The following PCDHGB2 variants were observed in gnomAD, a reference collection of about 807,000 sequenced individuals.
The protein encoded by PCDHGB2 is protocadherin gamma-B2.
A neutral mutation model predicts 59.3 loss-of-function variants in PCDHGB2; 55 were observed. The observed-to-expected ratio is 0.93, with a 90% CI of 0.75 to 1.16. PCDHGB2 has a LOEUF of 1.16. PCDHGB2 is among the 50% of genes most tolerant of loss of function. The pLI, the probability that PCDHGB2 is intolerant of heterozygous loss-of-function variation, is 0.00. For missense variants in PCDHGB2, 1,228 were observed against 1,198.5 expected, an observed-to-expected ratio of 1.02 and a Z score of -0.36; for synonymous variants, 516 against 512.0, an observed-to-expected ratio of 1.01 and a Z score of -0.11.
At chr5:141,409,546 C>G in intron 1 of PCDHGB2, 1 of 1,613,998 alleles carries the variant, frequency 6.2e-7, no homozygotes, top group Non-Finnish European at 8.5e-7. Flanking sequence ...TCAACGACAA[C>G]GCCCCAGTTT....
intron 1 of PCDHGB2, chr5:141,392,586 C>A: frequency 2.1e-6 from 1 of 478,230 alleles, no homozygotes; most frequent in Non-Finnish European, 3.7e-6. Flanking sequence ...GTAAGCGCCG[C>A]TGTTCACCTA....
At position 141,489,657 on chromosome 5, in the gene PCDHGB2, G is replaced by T. The variant is rs755618175; in HGVS notation, c.2422-5150G>T. 6.2e-7 allele frequency: 1 copy of T among 1,614,198 alleles called. No individual in the cohort carries two copies. Among genetic ancestry groups the T allele is most frequent in the Admixed American group, 1.7e-5 (1 of 60,030 alleles). ...CTAGCTTTGCCACCCCTGAGCGAGA[G>T]ATGCGCATCTCAGAATCAGCAGCAT... On this transcript the variant is annotated intron_variant, in intron 1 of 3. Coordinates refer to ENST00000522605, the MANE Select transcript of PCDHGB2 (RefSeq NM_018923.3). This position sits in a 1 kb window ranked among gnomAD's most constrained non-coding sequence, Gnocchi z 4.5.
At position 141,489,963 on chromosome 5, in the gene PCDHGB2, C is replaced by A. The variant is rs779260164; in HGVS notation, c.2422-4844C>A. On this transcript the variant is annotated intron_variant, in intron 1 of 3. Coordinates refer to ENST00000522605, the MANE Select transcript of PCDHGB2 (RefSeq NM_018923.3). This position sits in a 1 kb window ranked among gnomAD's most constrained non-coding sequence, Gnocchi z 4.5. Reference sequence around the variant, plus strand: ...TGGACATCAATGATAATGCTCCAACCTTCCAATCCTCAGTTCTACGTGTGG... The same window carrying A: ...TGGACATCAATGATAATGCTCCAACATTCCAATCCTCAGTTCTACGTGTGG... The A allele has an allele frequency of 8.1e-6, 13 of 1,614,184 alleles. No homozygotes were observed. In the East Asian group the frequency reaches 2.2e-4, roughly 28 times the overall value.
At chr5:141,505,554 C>T in intron 3 of PCDHGB2, 73 bp downstream of exon 3, 1 of 1,606,130 alleles carries the variant, frequency 6.2e-7, no homozygotes, top group Non-Finnish European at 8.5e-7. Context: ...AGCCACCATG[C>T]CCACGGACTG....
chr5:141,416,990 A>C (rs912916110), intron 1 of PCDHGB2: 20 of 151,946 alleles, frequency 1.3e-4, no homozygotes, highest in African/African-American at 4.1e-4. Flanking sequence ...ATTATTGTGC[A>C]TTCATCTCAA....
chr5:141,505,570 C>A, intron 3 of PCDHGB2, 89 bp downstream of exon 3: 1 of 1,598,160 alleles, frequency 6.3e-7, no homozygotes, highest in South Asian at 1.1e-5. Context: ...GACTGGATGT[C>A]AAACCTGTGT....
At chr5:141,409,883 C>G (rs530193346) in intron 1 of PCDHGB2, 2 of 1,612,988 alleles carry the variant, frequency 1.2e-6, no homozygotes, top group South Asian at 2.2e-5. Context: ...CAACGCACCG[C>G]GGGTGCTGTA....
intron 1 of PCDHGB2, chr5:141,404,978 G>C: frequency 6.2e-7 from 1 of 1,613,976 alleles, no homozygotes; most frequent in Non-Finnish European, 8.5e-7. Context: ...GGCTGACCTG[G>C]GCAGTCTTCA....
chr5:141,404,741 G>C, intron 1 of PCDHGB2: 1 of 1,614,072 alleles, frequency 6.2e-7, no homozygotes, highest in South Asian at 1.1e-5. Context: ...AGTGGACAGA[G>C]ACTCAGGCCA....
At chr5:141,483,104 A>G (rs2099577128) in intron 1 of PCDHGB2, among the ~76,000 whole-genome samples, 1 of 152,140 alleles carries the variant, frequency 6.6e-6, no homozygotes, top group African/African-American at 2.4e-5. Flanking sequence ...GTGTGCGTGT[A>G]AAACAGACAG....
At chr5:141,413,531 A>G (rs1472068242) in intron 1 of PCDHGB2, 6 of 1,613,818 alleles carry the variant, frequency 3.7e-6, no homozygotes, top group Non-Finnish European at 5.1e-6. Flanking sequence ...GACAGGGTGA[A>G]ACTTTTTGGG....
At chr5:141,465,852 G>A (rs1250863307) in intron 1 of PCDHGB2, among the ~76,000 whole-genome samples, 1 of 151,996 alleles carries the variant, frequency 6.6e-6, no homozygotes, top group East Asian at 1.9e-4. Context: ...GCTGGGCCCA[G>A]TGGCTCATGC....
chr5:141,366,936 C>A, intron 1 of PCDHGB2: 1 of 864,802 alleles, frequency 1.2e-6, no homozygotes, highest in African/African-American at 1.7e-5. Context: ...TTTGGGAAGT[C>A]TAGCTGATAT....
At chr5:141,398,009 C>T (rs1589315775) in intron 1 of PCDHGB2, 2 of 1,400,564 alleles carry the variant, frequency 1.4e-6, no homozygotes, top group Non-Finnish European at 1.9e-6. Flanking sequence ...GAAAAAGAAT[C>T]GTTTCCTAAA....
intron 1 of PCDHGB2, chr5:141,372,625 G>T: frequency 6.2e-7 from 1 of 1,614,000 alleles, no homozygotes; most frequent in Non-Finnish European, 8.5e-7. Flanking sequence ...CCCACCTACA[G>T]CGAAAGGACT....
At position 141,485,342 on chromosome 5, in the gene PCDHGB2, G is replaced by A; in HGVS notation, c.2422-9465G>A. On this transcript the variant is annotated intron_variant, in intron 1 of 3. Coordinates refer to ENST00000522605, the MANE Select transcript of PCDHGB2 (RefSeq NM_018923.3). The surrounding 1 kb of genome is among the most constrained non-coding windows in gnomAD (Gnocchi z 5.7). ...CGCTCAAGATTTCCTGCTGGATACG[G>A]ACAGTCTGTCAGCTCGCAGGCTGCA... 1 of 1,614,164 alleles carries A rather than the reference G, an allele frequency of 6.2e-7. No homozygotes were observed. The highest frequency in any genetic ancestry group is 8.5e-7 in the Non-Finnish European group (1 of 1,180,026).
intron 1 of PCDHGB2, chr5:141,375,942 G>A (rs1772069544): frequency 1.2e-6 from 2 of 1,613,400 alleles, no homozygotes; most frequent in African/African-American, 2.7e-5. Flanking sequence ...TTCTCAGTGG[G>A]CCTGCACACG....
intron 1 of PCDHGB2, chr5:141,419,581 C>T: frequency 6.2e-7 from 1 of 1,611,888 alleles, no homozygotes; most frequent in South Asian, 1.1e-5. Context: ...GCTCCGCGCT[C>T]TTCGACACAG....
chr5:141,441,631 C>A, intron 1 of PCDHGB2: 2 of 226,308 alleles, frequency 8.8e-6, no homozygotes, highest in Non-Finnish European at 1.8e-5. Context: ...GACCTGGAGC[C>A]ACAGGCGCTG....
Sources: gnomAD v4.1 joint callset for allele counts (sites outside exome capture counted in the v4.1 genomes callset) on GRCh38, gnomAD v4.1.1 for gene constraint, Gnocchi (gnomAD v3.1) non-coding constraint, MANE v1.5 for transcripts, NCBI Gene and HGNC (gene_info 2026-07-23, HGNC 2026-07-21) for gene names.